DAB2IP: variants seen among roughly 807,000 people sequenced by gnomAD.
DAB2IP encodes disabled homolog 2-interacting protein.
Under a neutral mutation model 107.2 loss-of-function variants are expected in DAB2IP, and 28 were observed. The observed-to-expected ratio is 0.26, with a 90% CI of 0.19 to 0.36. The LOEUF (loss-of-function observed/expected upper bound fraction) is 0.36, where lower values mean the gene tolerates loss of function less well. Among genes scored for constraint, DAB2IP ranks in the 10% least tolerant of loss-of-function variants. DAB2IP has a pLI of 1.00. For synonymous variants in DAB2IP, 755 were observed against 706.4 expected, an observed-to-expected ratio of 1.07 and a Z score of -1.09; for missense variants, 1,400 against 1,644.7, an observed-to-expected ratio of 0.85 and a Z score of 2.57.
intron 3 of DAB2IP, among the ~76,000 whole-genome samples, chr9:121,725,297 G>A (rs948985852): frequency 6.6e-6 from 1 of 152,202 alleles, no homozygotes; most frequent in Non-Finnish European, 1.5e-5. Flanking sequence ...GGCGTCCATG[G>A]AAAGATTGGG....
In DAB2IP at chr9:121,770,656, AC is replaced by A; in HGVS notation, c.2012del (p.Pro671ArgfsTer16). ...CAGGGACCAATGACCTGGCCTCCAC[AC>A]CGGGCTCTGGCAGCAGCAGCATCTC... On this transcript the variant is annotated frameshift_variant, in exon 11 of 16. Coordinates refer to ENST00000408936, the Ensembl canonical transcript of DAB2IP. LOFTEE classifies it high-confidence loss of function. The A allele has an allele frequency of 6.2e-7, 1 of 1,614,100 alleles. No individual in the cohort carries two copies. The highest frequency in any genetic ancestry group is 8.5e-7 in the Non-Finnish European group (1 of 1,180,016).
At chr9:121,581,298 C>A (rs777542203) in intron 1 of DAB2IP, among the ~76,000 whole-genome samples, 7 of 152,176 alleles carry the variant, frequency 4.6e-5, no homozygotes, top group Non-Finnish European at 8.8e-5. Context: ...TGCTCAGCCT[C>A]CAGTTCCCTG....
chr9:121,772,798 T>A lies in DAB2IP; in HGVS notation c.2270T>A (p.Leu757Gln), dbSNP rs200073956. 4.4e-5 allele frequency: 71 copies of A among 1,612,506 alleles called. No homozygotes were observed. In the Middle Eastern group the frequency reaches 1.8e-3, roughly 41 times the overall value. Residue 757 changes from leucine to glutamine, a missense_variant, in exon 12 of 16, where the codon CTG becomes CAG. Coordinates refer to ENST00000408936, the Ensembl canonical transcript of DAB2IP. This position sits in a 1 kb window ranked among gnomAD's most constrained non-coding sequence, Gnocchi z 4.7. ...GTGGACCTCCAGGACGCCCGCACGC[T>A]GGATGGGGAGGCAGGCTCCCCGGCG...
At chr9:121,737,776 G>T in intron 3 of DAB2IP, 1 of 985,418 alleles carries the variant, frequency 1.0e-6, no homozygotes, top group Non-Finnish European at 1.2e-6. Flanking sequence ...CTCCCCGGTG[G>T]GTGGGTCTCC....
At chr9:121,747,059 C>T (rs1051461741) in intron 3 of DAB2IP, among the ~76,000 whole-genome samples, 2 of 152,070 alleles carry the variant, frequency 1.3e-5, no homozygotes, top group East Asian at 1.9e-4. Flanking sequence ...TTGTGGTGGG[C>T]TCTAGAGCTT....
rs192415451 is a variant in DAB2IP, at chr9:121,721,700, T to C, written c.362+22242T>C. Among the ~76,000 whole-genome samples the C allele has an allele frequency of 9.6e-4, 147 of 152,366 alleles. 1 individual carries two copies. Among genetic ancestry groups the C allele is most frequent in the African/African-American group, 3.4e-3 (143 of 41,596 alleles). ...ATTCAAAACTTAAAAATGTCAACAC[T>C]GTGTGGGCTAAACAAAACATGAATG... On this transcript the variant is annotated intron_variant, in intron 3 of 15. Transcript: ENST00000408936.
chr9:121,655,716 C>T (rs564624519), intron 1 of DAB2IP, among the ~76,000 whole-genome samples: 20 of 152,260 alleles, frequency 1.3e-4, no homozygotes, highest in African/African-American at 4.3e-4. Flanking sequence ...CTTGGAATGC[C>T]TATACCCATA....
chr9:121,642,892 T>A (rs1832411453), intron 1 of DAB2IP, among the ~76,000 whole-genome samples: 1 of 151,918 alleles, frequency 6.6e-6, no homozygotes, highest in Non-Finnish European at 1.5e-5. Flanking sequence ...AGATAAGGGG[T>A]CCAGGGAAGG....
At chr9:121,593,732 A>G (rs1830465514) in intron 1 of DAB2IP, among the ~76,000 whole-genome samples, 2 of 139,908 alleles carry the variant, frequency 1.4e-5, no homozygotes, top group Non-Finnish European at 3.0e-5. Context: ...CAGTGGCATA[A>G]TCTCGGCTCA....
rs917830567 is a variant in DAB2IP, at chr9:121,684,188, G to A, written c.228+5407G>A. ...AACACAAACATGCAAGCTAGTGGGT[G>A]ACCCTCCCGCCCATGTCACCATGGA... On this transcript the variant is annotated intron_variant, in intron 2 of 15. Coordinates refer to ENST00000408936, the Ensembl canonical transcript of DAB2IP. The surrounding 1 kb of genome is among the most constrained non-coding windows in gnomAD (Gnocchi z 4.0). Among the ~76,000 whole-genome samples the A allele has an allele frequency of 2.0e-5, 3 of 152,120 alleles. No homozygotes were observed. The highest frequency in any genetic ancestry group is 1.3e-4 in the Admixed American group (2 of 15,268).
At chr9:121,672,033 A>G (rs1833704316) in intron 1 of DAB2IP, among the ~76,000 whole-genome samples, 1 of 152,342 alleles carries the variant, frequency 6.6e-6, no homozygotes. Flanking sequence ...TCACTCCATC[A>G]GCAGTGATGA....
At chr9:121,610,746 G>T (rs968566033) in intron 1 of DAB2IP, among the ~76,000 whole-genome samples, 12 of 152,154 alleles carry the variant, frequency 7.9e-5, no homozygotes, top group African/African-American at 2.9e-4. Context: ...TCAGAGGGGG[G>T]CGCAGAGGAG....
intron 1 of DAB2IP, among the ~76,000 whole-genome samples, chr9:121,578,496 G>A (rs1479727650): frequency 6.6e-6 from 1 of 151,766 alleles, no homozygotes; most frequent in African/African-American, 2.4e-5. Context: ...CAGCTTCTCC[G>A]TGGCCCTTCC....
At chr9:121,745,586 C>T (rs1037015746) in intron 3 of DAB2IP, among the ~76,000 whole-genome samples, 6 of 145,596 alleles carry the variant, frequency 4.1e-5, no homozygotes, top group South Asian at 2.1e-4. Context: ...ATAGTGGAGG[C>T]GCTCAGTGGC....
intron 1 of DAB2IP, among the ~76,000 whole-genome samples, chr9:121,572,783 A>G (rs520529): frequency 0.22 from 32,736 of 151,324 alleles, 4,254 homozygotes; most frequent in Middle Eastern, 0.29. Context: ...CTCGTACAGG[A>G]GCGGGGGTTG....
chr9:121,630,562 C>T (rs900764691), intron 1 of DAB2IP, among the ~76,000 whole-genome samples: 4 of 149,716 alleles, frequency 2.7e-5, no homozygotes, highest in Non-Finnish European at 5.9e-5. Flanking sequence ...ACCAGGCATG[C>T]GCCACCACAC....
intron 3 of DAB2IP, among the ~76,000 whole-genome samples, chr9:121,729,405 G>T (rs1453445337): frequency 6.6e-6 from 1 of 152,176 alleles, no homozygotes; most frequent in African/African-American, 2.4e-5. Flanking sequence ...CTGGGCAGGA[G>T]GTGAGCCCAG....
rs60818537 is a variant in DAB2IP, at chr9:121,570,107, C to CT, written c.40+2901dup. Among the ~76,000 whole-genome samples, 485 of 101,474 alleles carry CT rather than the reference C, an allele frequency of 4.8e-3. 8 individuals are homozygous for CT. Among genetic ancestry groups the CT allele is most frequent in the African/African-American group, 0.013 (315 of 23,900 alleles). 66.6% of individuals were successfully genotyped at this position (101,474 alleles called of 152,430 possible). ...CAGCAGTCAGCCCTTTTCTCTTTCT[C>CT]TTTTTTTTTTTTTTTTTTTTTTGAG... On this transcript the variant is annotated intron_variant, in intron 1 of 16. Transcript: ENST00000259371.
At chr9:121,722,797 G>A (rs924453549) in intron 3 of DAB2IP, among the ~76,000 whole-genome samples, 1 of 152,128 alleles carries the variant, frequency 6.6e-6, no homozygotes, top group Non-Finnish European at 1.5e-5. Context: ...GCAATATAAT[G>A]AGACTATGTT....
Sources: allele counts gnomAD v4.1 joint callset (sites outside exome capture counted in the v4.1 genomes callset), GRCh38; gene constraint gnomAD v4.1.1; non-coding constraint Gnocchi (gnomAD v3.1); transcripts MANE v1.5; gene names NCBI Gene and HGNC (gene_info 2026-07-23, HGNC 2026-07-21).